The following THSD7A variants were observed in gnomAD, a reference collection of about 807,000 sequenced individuals.
THSD7A encodes thrombospondin type-1 domain-containing protein 7A.
A neutral mutation model predicts 231.3 loss-of-function variants in THSD7A; 96 were observed. The ratio of observed to expected loss-of-function variants is 0.41; its 90% CI spans 0.35 to 0.49. The LOEUF (loss-of-function observed/expected upper bound fraction) is 0.49. Ranked by LOEUF, THSD7A falls within the 20% of genes least tolerant of loss-of-function variation. The pLI is 0.05. For synonymous variants in THSD7A, 940 were observed against 743.3 expected (o/e 1.26, Z -4.30); for missense variants, 2,290 against 2,070.2 (o/e 1.11, Z -2.06).
intron 1 of THSD7A, among the ~76,000 whole-genome samples, chr7:11,714,431 G>A (rs755126221): frequency 2.0e-5 from 3 of 151,258 alleles, no homozygotes; most frequent in East Asian, 2.0e-4. Flanking sequence ...TATGACACAC[G>A]TATTTTTACT....
At chr7:11,584,039 T>G (rs1276898807) in intron 4 of THSD7A, among the ~76,000 whole-genome samples, 1 of 152,184 alleles carries the variant, frequency 6.6e-6, no homozygotes, top group East Asian at 1.9e-4. Context: ...TAATGCAGTA[T>G]TTTTGCCTGT....
At chr7:11,551,132 G>A (rs1475763878) in intron 4 of THSD7A, among the ~76,000 whole-genome samples, 1 of 152,060 alleles carries the variant, frequency 6.6e-6, no homozygotes, top group African/African-American at 2.4e-5. Context: ...AGGATAACTG[G>A]CTAGTCATAT....
intron 1 of THSD7A, among the ~76,000 whole-genome samples, chr7:11,700,508 A>G (rs1780554468): frequency 6.6e-6 from 1 of 151,262 alleles, no homozygotes; most frequent in Admixed American, 6.6e-5. Context: ...GACTCCAGTG[A>G]AAAAAATACT....
Position 11,581,410 on chromosome 7 carries a change from C to G in THSD7A, c.1453+9050G>C, listed in dbSNP as rs972935540. 4.6e-5 allele frequency among the ~76,000 whole-genome samples: 7 copies of G among 151,974 alleles called. No individual in the cohort carries two copies. The East Asian group carries it at 1.3e-3, about 29-fold the overall frequency. ...TTAGTACATCATCCATGACTTTGTA[C>G]CAGACACCAATATACACCATGAATT... On this transcript the variant is annotated intron_variant, in intron 4 of 27. Coordinates refer to ENST00000423059, the MANE Select transcript of THSD7A (RefSeq NM_015204.3).
At position 11,506,826 on chromosome 7, in the gene THSD7A, C is replaced by T. The variant is rs113299750; in HGVS notation, c.1823-24844G>A. ...CAAGTATCCATTTAACTTCTATCTT[C>T]CTAGAGAGTCTTTGCATGACCCACC... On this transcript the variant is annotated intron_variant, in intron 6 of 27. Coordinates refer to ENST00000423059, the MANE Select transcript of THSD7A (RefSeq NM_015204.3). Among the ~76,000 whole-genome samples, 254 of 152,296 alleles carry T rather than the reference C, an allele frequency of 1.7e-3. 3 individuals carry two copies. Among genetic ancestry groups the T allele is most frequent in the African/African-American group, 5.9e-3 (246 of 41,578 alleles).
In THSD7A at chr7:11,521,483, T is replaced by A. The variant is rs1788262257; in HGVS notation, c.1822+19936A>T. 2.4e-5 allele frequency among the ~76,000 whole-genome samples: 3 copies of A among 123,114 alleles called. 1 individual carries two copies. Among genetic ancestry groups the A allele is most frequent in the African/African-American group, 6.9e-5 (2 of 28,878 alleles). The allele number at this position is 123,114 out of a possible 152,430, so 80.8% of individuals were successfully genotyped here. A position where few individuals can be genotyped will look rare whatever the true frequency, so the allele number is the denominator to read the frequency against. ...TTCTTTTTTATTTTTTTATTTTATT[T>A]ATTTATTTATTTATTTTTTTATTAT... On this transcript the variant is annotated intron_variant, in intron 6 of 27. Transcript: ENST00000423059.
intron 6 of THSD7A, among the ~76,000 whole-genome samples, chr7:11,500,960 A>G (rs965836037): frequency 6.6e-6 from 1 of 151,924 alleles, no homozygotes; most frequent in Non-Finnish European, 1.5e-5. Flanking sequence ...AAAAAAAGAA[A>G]AAAAGGAGTT....
chr7:11,599,722 AG>A, intron 2 of THSD7A, among the ~76,000 whole-genome samples: 1 of 152,238 alleles, frequency 6.6e-6, no homozygotes, highest in South Asian at 2.1e-4. Context: ...CAAGTTGACA[AG>A]GGGTGGATCT....
At chr7:11,567,272 A>G (rs1027357394) in intron 4 of THSD7A, among the ~76,000 whole-genome samples, 2 of 152,102 alleles carry the variant, frequency 1.3e-5, no homozygotes, top group Admixed American at 1.3e-4. Flanking sequence ...CTTCCCCCTC[A>G]AGGCAGCAGA....
At chr7:11,540,667 T>C (rs1411553781) in intron 6 of THSD7A, among the ~76,000 whole-genome samples, 1 of 152,176 alleles carries the variant, frequency 6.6e-6, no homozygotes, top group Non-Finnish European at 1.5e-5. Context: ...CAAGTGTGAC[T>C]CAGGGATGAC....
intron 7 of THSD7A, among the ~76,000 whole-genome samples, chr7:11,476,318 TACACACACACAC>T (rs59127235): frequency 0.015 from 2,062 of 137,392 alleles, 58 homozygotes; most frequent in African/African-American, 0.051. Flanking sequence ...CTCTGGAAGA[TACACACACACAC>T]ACACACACAC....
intron 1 of THSD7A, among the ~76,000 whole-genome samples, chr7:11,724,128 T>A (rs939756152): frequency 6.6e-6 from 1 of 151,964 alleles, no homozygotes; most frequent in Non-Finnish European, 1.5e-5. Context: ...GTTAAAAGAA[T>A]ATATGTGGGA....
intron 1 of THSD7A, among the ~76,000 whole-genome samples, chr7:11,659,313 C>A (rs1454822944): frequency 6.6e-6 from 1 of 151,556 alleles, no homozygotes; most frequent in Admixed American, 6.6e-5. Flanking sequence ...TCAGAGAAAT[C>A]TTTTCAACAT....
chr7:11,643,919 C>A (rs150146109), intron 1 of THSD7A, among the ~76,000 whole-genome samples: 2,428 of 152,020 alleles, frequency 0.016, 31 homozygotes, highest in Middle Eastern at 0.095. Flanking sequence ...ACCAGTTTGG[C>A]CTTCCACCAG....
chr7:11,409,623 A>G (rs768303253), intron 19 of THSD7A, among the ~76,000 whole-genome samples: 3 of 152,206 alleles, frequency 2.0e-5, no homozygotes, highest in Non-Finnish European at 2.9e-5. Flanking sequence ...CATTTATTTT[A>G]TATTTCATTC....
At chr7:11,421,469 G>T (rs569928901) in intron 16 of THSD7A, among the ~76,000 whole-genome samples, 1 of 152,302 alleles carries the variant, frequency 6.6e-6, no homozygotes, top group East Asian at 1.9e-4. Flanking sequence ...GGAACTGTGA[G>T]TCAAATTAAA....
intron 1 of THSD7A, among the ~76,000 whole-genome samples, chr7:11,677,726 G>T (rs1001544013): frequency 6.6e-6 from 1 of 150,450 alleles, no homozygotes; most frequent in African/African-American, 2.4e-5. Context: ...GAAGGCTTAG[G>T]CTGCCACACA....
chr7:11,780,482 C>T (rs374072535), intron 1 of THSD7A, among the ~76,000 whole-genome samples: 2 of 152,118 alleles, frequency 1.3e-5, no homozygotes, highest in African/African-American at 4.8e-5. Context: ...CAGCCCTATA[C>T]AGAGATCCAT....
At chr7:11,790,021 C>T (rs142047842) in intron 1 of THSD7A, among the ~76,000 whole-genome samples, 1 of 151,838 alleles carries the variant, frequency 6.6e-6, no homozygotes, top group Non-Finnish European at 1.5e-5. Flanking sequence ...AATATTTGCA[C>T]TGCATTGATA....
Sources: gnomAD v4.1 joint callset for allele counts (sites outside exome capture counted in the v4.1 genomes callset) on GRCh38, gnomAD v4.1.1 for gene constraint, MANE v1.5 for transcripts, NCBI Gene and HGNC (gene_info 2026-07-23, HGNC 2026-07-21) for gene names.